Variants in ST3GAL6 observed in about 807,000 individuals in gnomAD.
ST3GAL6 encodes type 2 lactosamine alpha-2,3-sialyltransferase.
ST3GAL6 carries 31 observed loss-of-function variants against 40.5 expected under a neutral mutation model. That is an observed-to-expected ratio of 0.77 (90% CI 0.58 to 1.03). The LOEUF (loss-of-function observed/expected upper bound fraction) is 1.03, where lower values mean the gene tolerates loss of function less well. Among genes scored for constraint, ST3GAL6 ranks in the 50% least tolerant of loss-of-function variants. The pLI is 0.00. For synonymous variants in ST3GAL6, 129 were observed against 136.9 expected, an observed-to-expected ratio of 0.94 and a Z score of 0.40; for missense variants, 357 against 393.2, an observed-to-expected ratio of 0.91 and a Z score of 0.78.
At chr3:98,762,992 T>C, upstream of ST3GAL6, 2 of 985,410 alleles carry the variant, frequency 2.0e-6, no homozygotes, top group Non-Finnish European at 2.4e-6. Context: ...ATCTCACGCA[T>C]TTGGACTACC....
intron 6 of ST3GAL6, among the ~76,000 whole-genome samples, chr3:98,785,394 A>G (rs971134904): frequency 2.0e-5 from 3 of 152,226 alleles, no homozygotes; most frequent in Non-Finnish European, 4.4e-5. Flanking sequence ...AGAATCTTTG[A>G]ATGGCTCCTT....
At chr3:98,749,871 G>A (rs768954840) in intron 1 of ST3GAL6, among the ~76,000 whole-genome samples, 1 of 152,240 alleles carries the variant, frequency 6.6e-6, no homozygotes. Context: ...TATTGGATCA[G>A]TTGAGGAGCA....
intron 5 of ST3GAL6, among the ~76,000 whole-genome samples, chr3:98,781,281 G>T (rs1940089424): frequency 6.6e-6 from 1 of 152,076 alleles, no homozygotes; most frequent in African/African-American, 2.4e-5. Context: ...TGAACAATGA[G>T]AACACGTGGA....
chr3:98,738,932 A>T (rs1423001109), intron 1 of ST3GAL6, among the ~76,000 whole-genome samples: 1 of 152,196 alleles, frequency 6.6e-6, no homozygotes, highest in East Asian at 1.9e-4. Context: ...CATACTCTAA[A>T]ACCAACCACA....
chr3:98,739,395 A>C (rs1158387195), intron 1 of ST3GAL6, among the ~76,000 whole-genome samples: 1 of 146,098 alleles, frequency 6.8e-6, no homozygotes, highest in African/African-American at 2.5e-5. Flanking sequence ...AAACAAAAAA[A>C]AAACCCCAAA....
At position 98,740,725 on chromosome 3, in the gene ST3GAL6, A is replaced by C. The variant is rs1936008186; in HGVS notation, c.-12+8193A>C. 2.0e-5 allele frequency among the ~76,000 whole-genome samples: 3 copies of C among 152,240 alleles called. No homozygotes were observed. In the East Asian group the frequency reaches 5.8e-4, roughly 29 times the overall value. On this transcript the variant is annotated intron_variant, in intron 1 of 9. Transcript: ENST00000265261. ...AAATATTTGAGCATAGTTTCTGCCA[A>C]ATATCAAATATTTAATCAGTGTTAT... is the stretch of plus-strand genomic sequence containing the variant.
chr3:98,760,631 A>G (rs1937656427), upstream of ST3GAL6, among the ~76,000 whole-genome samples: 1 of 152,172 alleles, frequency 6.6e-6, no homozygotes, highest in Non-Finnish European at 1.5e-5. Context: ...TTAAACTGAG[A>G]TAAGCACCAG....
intron 1 of ST3GAL6, among the ~76,000 whole-genome samples, chr3:98,750,030 T>G (rs3772091): frequency 0.28 from 42,586 of 152,132 alleles, 6,337 homozygotes; most frequent in Admixed American, 0.4. Flanking sequence ...AATTGTGGCC[T>G]TAGGGGACTT....
intron 1 of ST3GAL6, among the ~76,000 whole-genome samples, chr3:98,748,076 T>C (rs72932616): frequency 8.5e-4 from 129 of 152,334 alleles, no homozygotes; most frequent in African/African-American, 3.1e-3. Context: ...GCCATACATT[T>C]ATCAAGATTC....
rs1343007015 is a variant in ST3GAL6, at chr3:98,788,390, T to G, written c.683T>G (p.Ile228Arg). Reference protein sequence around the residue: ...NLIYKPYQIRILDPFIIRTAA... With the variant: ...NLIYKPYQIRRLDPFIIRTAA... ...ATTTATAAACCTTATCAAATCCGAA[T>G]ATTAGATCCTTTCATTATCAGAACA... The change falls in exon 8 of 10, where the codon ATA (isoleucine) becomes AGA (arginine). Residue 228 changes from isoleucine (I) to arginine (R), a missense_variant. Coordinates refer to ENST00000483910, the MANE Select transcript of ST3GAL6 (RefSeq NM_001323368.2). 2 of 1,612,886 alleles carry G rather than the reference T, an allele frequency of 1.2e-6. No individual in the cohort carries two copies. The highest frequency in any genetic ancestry group is 1.7e-6 in the Non-Finnish European group (2 of 1,179,706).
chr3:98,774,053 A>T, intron 5 of ST3GAL6, 70 bp downstream of exon 5: 1 of 1,246,194 alleles, frequency 8.0e-7, no homozygotes, highest in Non-Finnish European at 1.2e-6. Flanking sequence ...ATGTACCCCA[A>T]GAAATGTAAG....
intron 1 of ST3GAL6, among the ~76,000 whole-genome samples, chr3:98,746,013 T>G (rs1191014415): frequency 8.5e-5 from 13 of 152,286 alleles, no homozygotes; most frequent in Non-Finnish European, 1.5e-5. Context: ...TGGGTATAAT[T>G]ATCTGTGATG....
chr3:98,768,603 G>C, intron 2 of ST3GAL6, 74 bp downstream of exon 2: 1 of 1,119,420 alleles, frequency 8.9e-7, no homozygotes, highest in South Asian at 1.4e-5. Context: ...TATAGTAGAG[G>C]GTCCTATGAA....
At chr3:98,744,479 AC>A (rs1346953893) in intron 1 of ST3GAL6, among the ~76,000 whole-genome samples, 1 of 151,994 alleles carries the variant, frequency 6.6e-6, no homozygotes, top group African/African-American at 2.4e-5. Context: ...GCTTCTGCTT[AC>A]TCCCTGTCTG....
chr3:98,734,443 T>C (rs1312255624), intron 1 of ST3GAL6, among the ~76,000 whole-genome samples: 1 of 152,208 alleles, frequency 6.6e-6, no homozygotes, highest in African/African-American at 2.4e-5. Flanking sequence ...ATAATTTTTC[T>C]AGAAAGTGTT....
At chr3:98,743,874 G>C (rs868199902) in intron 1 of ST3GAL6, among the ~76,000 whole-genome samples, 1 of 152,062 alleles carries the variant, frequency 6.6e-6, no homozygotes, top group African/African-American at 2.4e-5. Flanking sequence ...CCCCAACGAG[G>C]GTGTAATTGG....
intron 1 of ST3GAL6, among the ~76,000 whole-genome samples, chr3:98,740,712 A>G (rs1263029742): frequency 6.6e-6 from 1 of 152,224 alleles, no homozygotes; most frequent in Non-Finnish European, 1.5e-5. Flanking sequence ...ATATTTGAGC[A>G]TAGTTTCTGC....
intron 1 of ST3GAL6, among the ~76,000 whole-genome samples, chr3:98,767,433 G>C (rs890066338): frequency 6.6e-6 from 1 of 152,190 alleles, no homozygotes; most frequent in African/African-American, 2.4e-5. Flanking sequence ...TATTCAACCA[G>C]ACTCCCAGGT....
At chr3:98,791,063 A>C (rs1048638245) in intron 8 of ST3GAL6, among the ~76,000 whole-genome samples, 3 of 152,142 alleles carry the variant, frequency 2.0e-5, no homozygotes, top group African/African-American at 7.2e-5. Flanking sequence ...CACTTTATTG[A>C]AAGTGTTATG....
Sources: gnomAD v4.1 joint callset for allele counts (sites outside exome capture counted in the v4.1 genomes callset) on GRCh38, gnomAD v4.1.1 for gene constraint, MANE v1.5 for transcripts, NCBI Gene and HGNC (gene_info 2026-07-23, HGNC 2026-07-21) for gene names.